ME3: variants seen among roughly 807,000 people sequenced by gnomAD.
ME3 encodes NADP-dependent malic enzyme, mitochondrial.
A neutral mutation model predicts 68.9 loss-of-function variants in ME3; 48 were observed. That is an observed-to-expected ratio of 0.70 (90% CI 0.55 to 0.89). The LOEUF (loss-of-function observed/expected upper bound fraction) is 0.89, where lower values mean the gene tolerates loss of function less well. ME3 is among the 40% of genes least tolerant of loss of function. The probability of loss-of-function intolerance (pLI) is 0.00; values close to 1 mark genes in which losing one functional copy is unlikely to be tolerated. For synonymous variants in ME3, 320 were observed against 318.8 expected (o/e 1.00, Z -0.04); for missense variants, 675 against 797.4 (o/e 0.85, Z 1.85).
intron 2 of ME3, among the ~76,000 whole-genome samples, chr11:86,605,986 A>G (rs1021265439): frequency 6.6e-6 from 1 of 152,120 alleles, no homozygotes; most frequent in South Asian, 2.1e-4. Context: ...TTTCTCCACT[A>G]CAGCCATTTT....
chr11:86,522,060 G>A (rs111312272), intron 4 of ME3, among the ~76,000 whole-genome samples: 8,086 of 152,266 alleles, frequency 0.053, 292 homozygotes, highest in Non-Finnish European at 0.081. Flanking sequence ...GACAAGCCTG[G>A]CCAACATGGC....
intron 2 of ME3, among the ~76,000 whole-genome samples, chr11:86,664,851 C>T (rs1296627894): frequency 1.3e-5 from 2 of 152,168 alleles, no homozygotes; most frequent in African/African-American, 4.8e-5. Flanking sequence ...CTCCTTCTTC[C>T]CTGGGCTCTG....
intron 6 of ME3, among the ~76,000 whole-genome samples, chr11:86,495,573 C>CAT (rs1952274266): frequency 6.6e-6 from 1 of 152,198 alleles, no homozygotes; most frequent in Admixed American, 6.5e-5. Context: ...AAGAATAAAA[C>CAT]AAAGTTTGCT....
chr11:86,493,069 C>T (rs906663784), intron 6 of ME3, among the ~76,000 whole-genome samples: 11 of 152,110 alleles, frequency 7.2e-5, no homozygotes, highest in African/African-American at 4.8e-5. Context: ...ATGGGTTACA[C>T]GTGTGTAGAG....
chr11:86,529,515 G>A (rs1955037293), intron 4 of ME3, among the ~76,000 whole-genome samples: 1 of 152,134 alleles, frequency 6.6e-6, no homozygotes, highest in Non-Finnish European at 1.5e-5. Flanking sequence ...TATGAGGCCA[G>A]CATCATCCTG....
chr11:86,446,742 G>T (rs1326653742), intron 12 of ME3, among the ~76,000 whole-genome samples: 1 of 152,202 alleles, frequency 6.6e-6, no homozygotes, highest in Non-Finnish European at 1.5e-5. Context: ...ACCTCCTGGT[G>T]GGGCCAACCC....
intron 8 of ME3, chr11:86,462,759 G>T (rs2138715523): frequency 2.1e-6 from 1 of 473,128 alleles, no homozygotes; most frequent in Non-Finnish European, 4.1e-6. Context: ...TGCAATACAG[G>T]CTTTTGGGGT....
At chr11:86,515,518 T>A (rs679382) in intron 4 of ME3, among the ~76,000 whole-genome samples, 38,310 of 152,058 alleles carry the variant, frequency 0.25, 5,363 homozygotes, top group African/African-American at 0.38. Context: ...AATGGGGACA[T>A]TGGTTTCTCC....
intron 2 of ME3, among the ~76,000 whole-genome samples, chr11:86,646,336 C>A (rs1263801571): frequency 6.6e-6 from 1 of 152,116 alleles, no homozygotes; most frequent in African/African-American, 2.4e-5. Context: ...ACTAGAATAA[C>A]CAGTTTAGAG....
At chr11:86,606,095 A>T (rs2054931122) in intron 2 of ME3, among the ~76,000 whole-genome samples, 1 of 152,086 alleles carries the variant, frequency 6.6e-6, no homozygotes, top group South Asian at 2.1e-4. Context: ...TCCCTCCCCA[A>T]AGCTACCACA....
intron 2 of ME3, among the ~76,000 whole-genome samples, chr11:86,598,508 A>T (rs1959962020): frequency 6.6e-6 from 1 of 152,198 alleles, no homozygotes; most frequent in Admixed American, 6.5e-5. Flanking sequence ...TGTAGACTCC[A>T]CCTCTGGGGG....
At chr11:86,672,119 C>T in intron 1 of ME3, 161 bp from the exon 2 acceptor site, 1 of 598,282 alleles carries the variant, frequency 1.7e-6, no homozygotes, top group South Asian at 4.4e-5. Context: ...TCGGCTGCCA[C>T]CTGCTCGGCT....
intron 2 of ME3, among the ~76,000 whole-genome samples, chr11:86,646,531 T>C (rs1295787328): frequency 1.3e-5 from 2 of 152,080 alleles, no homozygotes; most frequent in Admixed American, 1.3e-4. Context: ...AAACAAAGCC[T>C]CTAAGAAATA....
In ME3 at chr11:86,555,222, T is replaced by G. The variant is rs148138948; in HGVS notation, c.467+1331A>C. The stretch of plus-strand genomic sequence containing the variant: ...AGCTGGGCTGTGACAGGCTTAGATA[T>G]CTCAGACTGTTGGGCTTGATTCTTT... On this transcript the variant is annotated intron_variant, in intron 4 of 14. Coordinates refer to ENST00000543262, the Ensembl canonical transcript of ME3. Among the ~76,000 whole-genome samples the G allele has an allele frequency of 2.5e-4, 38 of 152,292 alleles. No individual in the cohort carries two copies. In the East Asian group the frequency reaches 5.2e-3, roughly 21 times the overall value.
intron 14 of ME3, 150 bp downstream of exon 14, chr11:86,442,671 G>T: frequency 1.7e-6 from 1 of 601,532 alleles, no homozygotes; most frequent in Non-Finnish European, 2.8e-6. Context: ...GCAAACAAGA[G>T]TTTGTCACCC....
intron 4 of ME3, among the ~76,000 whole-genome samples, chr11:86,524,754 T>C (rs944886584): frequency 1.3e-5 from 2 of 151,932 alleles, no homozygotes; most frequent in Non-Finnish European, 2.9e-5. Context: ...GGAAAACATA[T>C]GCTTAAACTT....
At chr11:86,571,055 T>C (rs899984633) in intron 2 of ME3, among the ~76,000 whole-genome samples, 1 of 152,232 alleles carries the variant, frequency 6.6e-6, no homozygotes, top group African/African-American at 2.4e-5. Context: ...TAAAAGGCTG[T>C]GCCTATTACA....
At chr11:86,621,038 G>A (rs987472482) in intron 2 of ME3, among the ~76,000 whole-genome samples, 3 of 152,162 alleles carry the variant, frequency 2.0e-5, no homozygotes, top group African/African-American at 7.2e-5. Flanking sequence ...TGGGATCCAA[G>A]GGACAAATGA....
chr11:86,634,589 C>T (rs1183513696), intron 2 of ME3, among the ~76,000 whole-genome samples: 3 of 152,160 alleles, frequency 2.0e-5, no homozygotes, highest in Non-Finnish European at 2.9e-5. Context: ...TGACTGGTAG[C>T]ATTTTAGTCC....
Sources: allele counts gnomAD v4.1 joint callset (sites outside exome capture counted in the v4.1 genomes callset), GRCh38; gene constraint gnomAD v4.1.1; transcripts MANE v1.5; gene names NCBI Gene and HGNC (gene_info 2026-07-23, HGNC 2026-07-21).